Variants in ASIC2 observed in about 807,000 individuals in gnomAD.
The protein encoded by ASIC2 is acid-sensing ion channel 2.
Under a neutral mutation model 57.3 loss-of-function variants are expected in ASIC2, and 25 were observed. That is an observed-to-expected ratio of 0.44 (90% CI 0.32 to 0.61). ASIC2 has a LOEUF of 0.61. Among genes scored for constraint, ASIC2 ranks in the 20% least tolerant of loss-of-function variants. The pLI is 0.06. For synonymous variants in ASIC2, 319 were observed against 307.5 expected, an observed-to-expected ratio of 1.04 and a Z score of -0.39; for missense variants, 641 against 738.1, an observed-to-expected ratio of 0.87 and a Z score of 1.52.
At chr17:34,092,134 A>G (rs550325053) in intron 1 of ASIC2, among the ~76,000 whole-genome samples, 1 of 152,208 alleles carries the variant, frequency 6.6e-6, no homozygotes, top group South Asian at 2.1e-4. Context: ...ACACCAGTAC[A>G]CCCCCAAAAT....
intron 1 of ASIC2, among the ~76,000 whole-genome samples, chr17:33,969,598 T>A (rs1228559793): frequency 6.6e-6 from 1 of 152,158 alleles, no homozygotes; most frequent in Non-Finnish European, 1.5e-5. Flanking sequence ...CAATTGAGGC[T>A]CCGTCCCACT....
chr17:33,360,135 G>A (rs1389126909), intron 1 of ASIC2, among the ~76,000 whole-genome samples: 1 of 152,022 alleles, frequency 6.6e-6, no homozygotes, highest in Non-Finnish European at 1.5e-5. Context: ...CTATGATTAT[G>A]TATTTATTTT....
At chr17:33,447,891 C>T (rs77161069) in intron 1 of ASIC2, among the ~76,000 whole-genome samples, 2,102 of 126,004 alleles carry the variant, frequency 0.017, 53 homozygotes, top group East Asian at 0.1. Flanking sequence ...CTAGCCTGGG[C>T]GACAGAGCAA....
intron 1 of ASIC2, among the ~76,000 whole-genome samples, chr17:34,020,050 A>C (rs1333758807): frequency 1.3e-5 from 2 of 152,192 alleles, no homozygotes; most frequent in African/African-American, 4.8e-5. Context: ...GGAAGCCCCA[A>C]AGTGAGACTG....
intron 1 of ASIC2, among the ~76,000 whole-genome samples, chr17:33,499,831 G>C (rs2141941025): frequency 6.6e-6 from 1 of 152,334 alleles, no homozygotes; most frequent in South Asian, 2.1e-4. Flanking sequence ...TTTGAGAATG[G>C]AGGCCACAGA....
At chr17:33,749,414 G>A (rs138450622) in intron 1 of ASIC2, among the ~76,000 whole-genome samples, 3 of 151,888 alleles carry the variant, frequency 2.0e-5, no homozygotes, top group Non-Finnish European at 2.9e-5. Flanking sequence ...GGGGCTCCTC[G>A]GACCGTGTGG....
At chr17:33,517,688 G>A (rs373516115) in intron 1 of ASIC2, among the ~76,000 whole-genome samples, 3 of 144,302 alleles carry the variant, frequency 2.1e-5, no homozygotes, top group East Asian at 2.0e-4. Context: ...ATCACACACC[G>A]GGGCCTGTTG....
At chr17:33,899,717 G>T (rs1250262775) in intron 1 of ASIC2, among the ~76,000 whole-genome samples, 4 of 152,218 alleles carry the variant, frequency 2.6e-5, no homozygotes, top group Admixed American at 2.6e-4. Context: ...ACTGAAACTT[G>T]TGTTCAAAAT....
chr17:34,091,951 T>G lies in ASIC2; in HGVS notation c.555+64027A>C, dbSNP rs561338887. Among the ~76,000 whole-genome samples, 6 of 152,268 alleles carry G rather than the reference T, an allele frequency of 3.9e-5. No individual in the cohort carries two copies. The East Asian group carries it at 1.2e-3, about 29-fold the overall frequency. ...TACAGTAGTGCATGTCTTATATGGA[T>G]GAAAAGGGAAGACATTAAGGTTTTC... On this transcript the variant is annotated intron_variant, in intron 1 of 9. Transcript: ENST00000359872.
At chr17:33,456,810 C>G (rs1313058638) in intron 1 of ASIC2, among the ~76,000 whole-genome samples, 2 of 152,176 alleles carry the variant, frequency 1.3e-5, no homozygotes, top group South Asian at 2.1e-4. Context: ...CAAAGCCCAG[C>G]CTTAGCATTG....
chr17:33,871,194 T>A (rs1263679250), intron 1 of ASIC2, among the ~76,000 whole-genome samples: 1 of 152,080 alleles, frequency 6.6e-6, no homozygotes, highest in African/African-American at 2.4e-5. Flanking sequence ...CCTAGGAGGA[T>A]GGAGGAGTTC....
At chr17:33,593,672 AG>A (rs1904897286) in intron 1 of ASIC2, among the ~76,000 whole-genome samples, 1 of 152,244 alleles carries the variant, frequency 6.6e-6, no homozygotes, top group Non-Finnish European at 1.5e-5. Context: ...GCCACACAGT[AG>A]GCACTTCATC....
chr17:33,858,151 C>T (rs542826225), intron 1 of ASIC2, among the ~76,000 whole-genome samples: 9 of 152,318 alleles, frequency 5.9e-5, no homozygotes, highest in Non-Finnish European at 1.3e-4. Flanking sequence ...CAGTTGTTCA[C>T]CCCAGCCTCT....
intron 1 of ASIC2, among the ~76,000 whole-genome samples, chr17:33,824,888 C>G (rs1405699548): frequency 6.6e-6 from 1 of 152,166 alleles, no homozygotes; most frequent in Non-Finnish European, 1.5e-5. Context: ...TATAAATTAG[C>G]CAGTCTCGGG....
At chr17:33,041,678 T>A (rs1598248923) in intron 3 of ASIC2, among the ~76,000 whole-genome samples, 1 of 152,234 alleles carries the variant, frequency 6.6e-6, no homozygotes, top group African/African-American at 2.4e-5. Flanking sequence ...GTCAGCTGAG[T>A]TCTGCACTCT....
At chr17:33,732,250 A>C (rs1012693164) in intron 1 of ASIC2, among the ~76,000 whole-genome samples, 2 of 152,352 alleles carry the variant, frequency 1.3e-5, no homozygotes, top group Admixed American at 6.5e-5. Context: ...AATACATCGT[A>C]GCACATGTGT....
intron 1 of ASIC2, among the ~76,000 whole-genome samples, chr17:33,418,233 T>C (rs1322667764): frequency 6.6e-6 from 1 of 152,168 alleles, no homozygotes; most frequent in African/African-American, 2.4e-5. Context: ...TTCAGGAATT[T>C]ATGGGTTTAT....
intron 1 of ASIC2, among the ~76,000 whole-genome samples, chr17:33,789,464 T>TCTCA (rs145766933): frequency 0.088 from 12,631 of 144,294 alleles, 823 homozygotes; most frequent in African/African-American, 0.19. Flanking sequence ...AGAATCATGG[T>TCTCA]CACACACACA....
chr17:33,459,631 G>A (rs1912568841), intron 1 of ASIC2, among the ~76,000 whole-genome samples: 1 of 152,206 alleles, frequency 6.6e-6, no homozygotes, highest in Non-Finnish European at 1.5e-5. Flanking sequence ...GTAAGCGGTG[G>A]TGAATTCATA....
Sources: gnomAD v4.1 joint callset for allele counts (sites outside exome capture counted in the v4.1 genomes callset) on GRCh38, gnomAD v4.1.1 for gene constraint, MANE v1.5 for transcripts, NCBI Gene and HGNC (gene_info 2026-07-23, HGNC 2026-07-21) for gene names.